Variants in CD2AP observed in about 807,000 individuals in gnomAD.
The protein encoded by CD2AP is CD2 associated protein.
Under a neutral mutation model 85.1 loss-of-function variants are expected in CD2AP, and 46 were observed. That is an observed-to-expected ratio of 0.54 (90% CI 0.43 to 0.69). CD2AP has a LOEUF of 0.69. Ranked by LOEUF, CD2AP falls within the 30% of genes least tolerant of loss-of-function variation. The pLI is 0.00. For synonymous variants in CD2AP, 255 were observed against 252.9 expected (o/e 1.01, Z -0.08); for missense variants, 769 against 729.5 (o/e 1.05, Z -0.62).
intron 11 of CD2AP, among the ~76,000 whole-genome samples, chr6:47,587,450 C>G (rs1163867684): frequency 6.6e-6 from 1 of 152,108 alleles, no homozygotes; most frequent in Non-Finnish European, 1.5e-5. Flanking sequence ...TACTTTCTGT[C>G]CCAAGCCACC....
intron 13 of CD2AP, among the ~76,000 whole-genome samples, chr6:47,599,773 G>A (rs1036002592): frequency 6.6e-6 from 1 of 151,954 alleles, no homozygotes; most frequent in African/African-American, 2.4e-5. Context: ...AGTTTTAAAA[G>A]TTTAAAAATG....
At chr6:47,500,896 T>C (rs370230334) in intron 1 of CD2AP, among the ~76,000 whole-genome samples, 35 of 152,210 alleles carry the variant, frequency 2.3e-4, no homozygotes, top group African/African-American at 3.1e-4. Flanking sequence ...TACAGGCGCC[T>C]GCCACCACGC....
At chr6:47,623,518 A>G (rs1438101815) in intron 17 of CD2AP, among the ~76,000 whole-genome samples, 2 of 152,222 alleles carry the variant, frequency 1.3e-5, no homozygotes, top group African/African-American at 4.8e-5. Flanking sequence ...CAACCTAGCC[A>G]TTTGAATATG....
At chr6:47,567,909 T>C (rs1455268476) in intron 5 of CD2AP, among the ~76,000 whole-genome samples, 1 of 152,004 alleles carries the variant, frequency 6.6e-6, no homozygotes, top group African/African-American at 2.4e-5. Context: ...GGAGAGTGAA[T>C]TGCAATGTGG....
At position 47,558,608 on chromosome 6, in the gene CD2AP, A is replaced by G. The variant is rs148600751; in HGVS notation, c.541+3842A>G. Among the ~76,000 whole-genome samples, 1,249 of 152,262 alleles carry G rather than the reference A, an allele frequency of 8.2e-3. 15 individuals carry two copies. The highest frequency in any genetic ancestry group is 0.028 in the African/African-American group (1,176 of 41,542). ...GCAGTTTTTGTCATTGATTCTGTTT[A>G]TGTGATGGATTATGTTTATTGATTT... On this transcript the variant is annotated intron_variant, in intron 5 of 17. Transcript: ENST00000359314.
intron 5 of CD2AP, among the ~76,000 whole-genome samples, chr6:47,566,387 GAT>G: frequency 6.8e-6 from 1 of 146,990 alleles, no homozygotes; most frequent in Admixed American, 6.9e-5. Context: ...AATGGTCTCT[GAT>G]ATGTTGATGC....
intron 2 of CD2AP, among the ~76,000 whole-genome samples, chr6:47,505,204 C>T (rs1227303881): frequency 6.9e-6 from 1 of 145,082 alleles, no homozygotes; most frequent in Non-Finnish European, 1.5e-5. Flanking sequence ...TCCCTGATTA[C>T]TTGAGATTAG....
intron 5 of CD2AP, among the ~76,000 whole-genome samples, chr6:47,557,010 C>T (rs531684702): frequency 2.4e-4 from 36 of 152,128 alleles, no homozygotes; most frequent in East Asian, 5.8e-4. Flanking sequence ...TTTTAATGAT[C>T]GCCATTCTAA....
chr6:47,507,892 A>G (rs1435195665), intron 2 of CD2AP, among the ~76,000 whole-genome samples: 2 of 152,256 alleles, frequency 1.3e-5, no homozygotes, highest in Non-Finnish European at 2.9e-5. Flanking sequence ...CAGATGCATC[A>G]TCAATATGCA....
At chr6:47,503,551 T>C (rs907701920) in intron 2 of CD2AP, 111 bp downstream of exon 2, 1 of 1,019,452 alleles carries the variant, frequency 9.8e-7, no homozygotes, top group Non-Finnish European at 1.5e-6. Flanking sequence ...ATGTTTTCTT[T>C]GTAACATTTA....
chr6:47,592,955 A>G (rs886583442), intron 11 of CD2AP, among the ~76,000 whole-genome samples: 1 of 152,252 alleles, frequency 6.6e-6, no homozygotes, highest in East Asian at 1.9e-4. Context: ...TCCCCAATTT[A>G]TAGCCAATTG....
At chr6:47,488,881 T>C (rs1420673462) in intron 1 of CD2AP, among the ~76,000 whole-genome samples, 1 of 151,948 alleles carries the variant, frequency 6.6e-6, no homozygotes, top group Non-Finnish European at 1.5e-5. Context: ...ACTGAGTGAG[T>C]CTTTCTTAAA....
At chr6:47,500,923 A>G (rs2113978375) in intron 1 of CD2AP, among the ~76,000 whole-genome samples, 1 of 151,922 alleles carries the variant, frequency 6.6e-6, no homozygotes, top group Admixed American at 6.5e-5. Context: ...AATTTTTTAT[A>G]TTTTTAGTAG....
chr6:47,553,109 G>A (rs766731019), intron 4 of CD2AP, among the ~76,000 whole-genome samples: 9 of 151,664 alleles, frequency 5.9e-5, no homozygotes, highest in Non-Finnish European at 1.2e-4. Flanking sequence ...TTTTCTTTAA[G>A]TGTTTTATTG....
chr6:47,544,539 A>T, intron 3 of CD2AP, 67 bp from the exon 4 acceptor site: 1 of 982,626 alleles, frequency 1.0e-6, no homozygotes. Context: ...TAAACATGGC[A>T]TGTAAATATA....
intron 2 of CD2AP, among the ~76,000 whole-genome samples, chr6:47,523,997 A>G (rs1488784270): frequency 1.3e-5 from 2 of 152,162 alleles, no homozygotes; most frequent in Non-Finnish European, 2.9e-5. Context: ...ACTGTTTCCT[A>G]TAAAACAAAT....
At chr6:47,522,305 A>G (rs971753032) in intron 2 of CD2AP, among the ~76,000 whole-genome samples, 3 of 152,240 alleles carry the variant, frequency 2.0e-5, no homozygotes, top group African/African-American at 7.2e-5. Context: ...TGTACTTAAA[A>G]GAGTGTTAGC....
intron 2 of CD2AP, among the ~76,000 whole-genome samples, chr6:47,509,686 C>G (rs1766266027): frequency 6.6e-6 from 1 of 152,138 alleles, no homozygotes; most frequent in Non-Finnish European, 1.5e-5. Flanking sequence ...AAACTGAAGT[C>G]AGAATAACTG....
At chr6:47,607,871 C>A in intron 14 of CD2AP, 56 bp from the exon 15 acceptor site, 10 of 1,167,598 alleles carry the variant, frequency 8.6e-6, no homozygotes, top group Non-Finnish European at 1.3e-5. Flanking sequence ...CAAAGACTTA[C>A]TACCTTTTCT....
Sources: allele counts gnomAD v4.1 joint callset (sites outside exome capture counted in the v4.1 genomes callset), GRCh38; gene constraint gnomAD v4.1.1; transcripts MANE v1.5; gene names NCBI Gene and HGNC (gene_info 2026-07-23, HGNC 2026-07-21).